Variants in ABCA10 observed in about 807,000 individuals in gnomAD.
The protein encoded by ABCA10 is ATP-binding cassette sub-family A member 10.
Under a neutral mutation model 187.5 loss-of-function variants are expected in ABCA10, and 169 were observed. That is an observed-to-expected ratio of 0.90 (90% CI 0.80 to 1.02). The LOEUF (loss-of-function observed/expected upper bound fraction) is 1.02. Among genes scored for constraint, ABCA10 ranks in the 50% least tolerant of loss-of-function variants. The pLI, the probability that ABCA10 is intolerant of heterozygous loss-of-function variation, is 0.00. For missense variants in ABCA10, 1,727 were observed against 1,812.4 expected, an observed-to-expected ratio of 0.95 and a Z score of 0.86; for synonymous variants, 574 against 601.8, an observed-to-expected ratio of 0.95 and a Z score of 0.68.
At position 69,149,234 on chromosome 17, in the gene ABCA10, A is replaced by T. The variant is rs1013025354; in HGVS notation, c.4478-146T>A. The T allele has an allele frequency of 3.5e-6, 3 of 854,058 alleles. No homozygotes were observed. The African/African-American group carries it at 5.0e-5, about 14-fold the overall frequency. 52.9% of individuals were successfully genotyped at this position (854,058 alleles called of 1,614,324 possible). A position where few individuals can be genotyped will look rare whatever the true frequency, so the allele number is the denominator to read the frequency against. On this transcript the variant is annotated intron_variant, in intron 37 of 38. Coordinates refer to ENST00000690296, the MANE Select transcript of ABCA10 (RefSeq NM_001377321.1). ...TACATTTTCTTGAAGGATAAAGAAG[A>T]GTGGTGATATGGCTAATAAAAGATA...
chr17:69,187,812 T>C lies in ABCA10; in HGVS notation c.2199A>G (p.Glu733=), dbSNP rs149082244. The C allele has an allele frequency of 7.4e-5, 119 of 1,613,786 alleles. No individual in the cohort carries two copies. Among genetic ancestry groups the C allele is most frequent in the Non-Finnish European group, 9.7e-5 (114 of 1,179,820 alleles). The change falls in exon 19 of 39, where the codon GAA becomes GAG. Residue 733 remains glutamate (E), a synonymous_variant. Coordinates refer to ENST00000690296, the MANE Select transcript of ABCA10 (RefSeq NM_001377321.1). The part of the protein sequence containing the change: ...TRNTGDESEM[E]QVLCSLPETR... ...TTTCAGGAAGAGAACAAAGAACCTG[T>C]TCCATTTCAGACTCATCTCCAGTAT...
In ABCA10 at chr17:69,154,841, T is replaced by A. The variant is rs146098545; in HGVS notation, c.3694+178A>T. Among the ~76,000 whole-genome samples the A allele has an allele frequency of 1.6e-3, 243 of 152,340 alleles. 1 individual carries two copies. Among genetic ancestry groups the A allele is most frequent in the African/African-American group, 5.7e-3 (236 of 41,588 alleles). On this transcript the variant is annotated intron_variant, in intron 30 of 38. Coordinates refer to ENST00000690296, the MANE Select transcript of ABCA10 (RefSeq NM_001377321.1). ...AGACTGGGTTTCTTGCCATTTGAAT[T>A]GGGACATGATTTTGAAGTAGAAAAG...
chr17:69,205,252 G>T (rs1295941674), intron 9 of ABCA10, among the ~76,000 whole-genome samples: 1 of 152,142 alleles, frequency 6.6e-6, no homozygotes, highest in Non-Finnish European at 1.5e-5. Context: ...GAGAAAAAGA[G>T]TTCATTCTTG....
intron 1 of ABCA10, chr17:69,234,910 C>A (rs184180586): frequency 5.9e-5 from 9 of 152,244 alleles, no homozygotes; most frequent in Admixed American, 5.2e-4. Flanking sequence ...AAATAAAATG[C>A]CACTTGTTTT....
intron 1 of ABCA10, among the ~76,000 whole-genome samples, chr17:69,243,296 T>C (rs550028978): frequency 6.6e-6 from 1 of 152,308 alleles, no homozygotes; most frequent in East Asian, 1.9e-4. Flanking sequence ...AATGCATCAT[T>C]AGGCAATTTT....
intron 37 of ABCA10, chr17:69,149,453 G>A (rs1344317108): frequency 9.5e-6 from 2 of 210,596 alleles, no homozygotes; most frequent in African/African-American, 4.6e-5. Context: ...TGTACATTCT[G>A]CGTCAATAGC....
chr17:69,192,493 A>C, intron 16 of ABCA10, 70 bp downstream of exon 16: 1 of 1,355,780 alleles, frequency 7.4e-7, no homozygotes, highest in Non-Finnish European at 1.0e-6. Context: ...TATATTTCTA[A>C]AGGCTTCTAC....
intron 9 of ABCA10, among the ~76,000 whole-genome samples, chr17:69,214,277 A>C (rs1156802872): frequency 6.6e-6 from 1 of 152,160 alleles, no homozygotes; most frequent in Non-Finnish European, 1.5e-5. Flanking sequence ...GCACTTTGGG[A>C]GGCCGAGGCG....
At chr17:69,223,917 T>G (rs1051244860) in intron 3 of ABCA10, among the ~76,000 whole-genome samples, 1 of 152,180 alleles carries the variant, frequency 6.6e-6, no homozygotes, top group Admixed American at 6.5e-5. Context: ...TAGCTTACAC[T>G]GTGCATACAG....
At position 69,193,445 on chromosome 17, in the gene ABCA10, T is replaced by C. The variant is rs552533250; in HGVS notation, c.1641+48A>G. ...AGAAGTTGGACTTTAATAATAGTTG[T>C]ATATCCTTCAATCTAAATTAATTGT... On this transcript the variant is annotated intron_variant, in intron 14 of 38. Coordinates refer to ENST00000690296, the MANE Select transcript of ABCA10 (RefSeq NM_001377321.1). 8.0e-5 allele frequency: 127 copies of C among 1,578,728 alleles called. 1 individual carries two copies. In the South Asian group the frequency reaches 1.4e-3, roughly 18 times the overall value.
chr17:69,215,767 A>C, intron 8 of ABCA10, 48 bp downstream of exon 8: 1 of 1,389,712 alleles, frequency 7.2e-7, no homozygotes, highest in Non-Finnish European at 9.4e-7. Context: ...GAATAAGAAC[A>C]TATTTTGAAA....
intron 1 of ABCA10, among the ~76,000 whole-genome samples, chr17:69,237,078 C>T (rs1003017189): frequency 2.3e-4 from 35 of 152,174 alleles, no homozygotes; most frequent in African/African-American, 6.8e-4. Context: ...TTCTGTAGCA[C>T]AATGTCTAAC....
At chr17:69,191,462 CACTTCAAATTGCTAATTCA>C (rs2144802397) in intron 16 of ABCA10, 147 bp from the exon 17 acceptor site, 1 of 840,502 alleles carries the variant, frequency 1.2e-6, no homozygotes, top group East Asian at 3.3e-5. Flanking sequence ...TCAGATACTC[CACTTCAAATTGCTAATTCA>C]ACTTCAAAGT....
At chr17:69,202,078 C>T (rs1018434030) in intron 9 of ABCA10, among the ~76,000 whole-genome samples, 19 of 152,218 alleles carry the variant, frequency 1.2e-4, no homozygotes, top group African/African-American at 2.4e-4. Context: ...CCACCGTGCC[C>T]GGCTATAATG....
At chr17:69,188,204 C>T (rs1370100825) in intron 18 of ABCA10, among the ~76,000 whole-genome samples, 4 of 152,128 alleles carry the variant, frequency 2.6e-5, no homozygotes, top group African/African-American at 9.7e-5. Flanking sequence ...ATTTATGTAG[C>T]TGAGTTTCCA....
chr17:69,153,687 AT>A (rs1277474461), intron 32 of ABCA10, 141 bp from the exon 33 acceptor site: 5 of 1,437,076 alleles, frequency 3.5e-6, no homozygotes, highest in Non-Finnish European at 4.7e-6. Context: ...AAATCTTATG[AT>A]TTGGTTCTTA....
chr17:69,195,818 C>T (rs1461558807), intron 11 of ABCA10, among the ~76,000 whole-genome samples: 1 of 151,864 alleles, frequency 6.6e-6, no homozygotes, highest in Non-Finnish European at 1.5e-5. Flanking sequence ...TTGCACCGCC[C>T]TTAATCCATT....
rs558225582 is a variant in ABCA10, at chr17:69,190,262, G to T, written c.2131+96C>A. 1,539 of 1,338,260 alleles carry T rather than the reference G, an allele frequency of 1.1e-3. 7 individuals carry two copies. Among genetic ancestry groups the T allele is most frequent in the Non-Finnish European group, 1.1e-3 (1,166 of 1,021,324 alleles). 82.9% of individuals were successfully genotyped at this position (1,338,260 alleles called of 1,614,324 possible). On this transcript the variant is annotated intron_variant, in intron 18 of 38. Coordinates refer to ENST00000690296, the MANE Select transcript of ABCA10 (RefSeq NM_001377321.1). ...TTCTATCTAATGCATATTATAGGTA[G>T]AAATCCACATAAAAATCTACAAATA... is the stretch of plus-strand genomic sequence containing the variant.
chr17:69,218,594 T>G (rs950470774), intron 6 of ABCA10, among the ~76,000 whole-genome samples: 3 of 152,098 alleles, frequency 2.0e-5, no homozygotes, highest in Non-Finnish European at 4.4e-5. Flanking sequence ...GGACAATACT[T>G]AAAGGAATGG....
Sources: allele counts gnomAD v4.1 joint callset (sites outside exome capture counted in the v4.1 genomes callset), GRCh38; gene constraint gnomAD v4.1.1; transcripts MANE v1.5; gene names NCBI Gene and HGNC (gene_info 2026-07-23, HGNC 2026-07-21).